Variants in SCAI observed in about 807,000 individuals in gnomAD.
SCAI encodes the protein suppressor of cancer cell invasion, also known as protein SCAI.
SCAI carries 24 observed loss-of-function variants against 92.2 expected under a neutral mutation model. That is an observed-to-expected ratio of 0.26 (90% CI 0.19 to 0.37). The LOEUF (loss-of-function observed/expected upper bound fraction) is 0.37. Among genes scored for constraint, SCAI ranks in the 10% least tolerant of loss-of-function variants. The pLI, the probability that SCAI is intolerant of heterozygous loss-of-function variation, is 1.00. For missense variants in SCAI, 450 were observed against 736.2 expected, an observed-to-expected ratio of 0.61 and a Z score of 4.50; for synonymous variants, 261 against 258.6, an observed-to-expected ratio of 1.01 and a Z score of -0.09.
At chr9:125,024,276 AG>A (rs1832924946) in intron 6 of SCAI, among the ~76,000 whole-genome samples, 2 of 148,750 alleles carry the variant, frequency 1.3e-5, no homozygotes, top group African/African-American at 5.0e-5. Context: ...CTTTTTATGA[AG>A]TTTTTTTTTT....
chr9:125,115,070 G>T (rs62580570), intron 2 of SCAI, among the ~76,000 whole-genome samples: 2 of 151,932 alleles, frequency 1.3e-5, no homozygotes, highest in African/African-American at 4.8e-5. Context: ...TCTGCACCTG[G>T]CCTAAAGAAA....
chr9:125,033,725 G>A (rs941779918), intron 3 of SCAI, among the ~76,000 whole-genome samples: 1 of 145,700 alleles, frequency 6.9e-6, no homozygotes, highest in African/African-American at 2.5e-5. Context: ...AAGGTAACTT[G>A]TAAGATATCT....
At chr9:124,972,765 C>T (rs1257462299) in intron 15 of SCAI, among the ~76,000 whole-genome samples, 2 of 152,204 alleles carry the variant, frequency 1.3e-5, no homozygotes, top group Admixed American at 1.3e-4. Context: ...TCTATTCCTG[C>T]CTTCCCTCCC....
chr9:125,085,355 C>T (rs1007453237), intron 2 of SCAI, among the ~76,000 whole-genome samples: 2 of 152,086 alleles, frequency 1.3e-5, no homozygotes, highest in East Asian at 1.9e-4. Context: ...TGCGTGGTGG[C>T]GTGCACCTGT....
chr9:125,112,938 A>G (rs1834960274), intron 2 of SCAI, among the ~76,000 whole-genome samples: 1 of 152,270 alleles, frequency 6.6e-6, no homozygotes, highest in Non-Finnish European at 1.5e-5. Flanking sequence ...GCAAGAAAAT[A>G]AAGTAGTACT....
Position 125,006,377 on chromosome 9 carries a change from C to T in SCAI, c.862-2807G>A, listed in dbSNP as rs554676552. ...ATAGTGAGATGCACACCCCCATCCC[C>T]GGTCTCTTAAAAGAAAAAAAGTTAG... On this transcript the variant is annotated intron_variant, in intron 9 of 17. Transcript: ENST00000336505. Among the ~76,000 whole-genome samples the T allele has an allele frequency of 5.3e-5, 8 of 152,190 alleles. No individual in the cohort carries two copies. The East Asian group carries it at 9.7e-4, about 18-fold the overall frequency.
At chr9:125,128,757 A>T (rs1291907942) in intron 2 of SCAI, among the ~76,000 whole-genome samples, 5 of 147,792 alleles carry the variant, frequency 3.4e-5, no homozygotes, top group East Asian at 2.1e-4. Flanking sequence ...CGTCTCAAAA[A>T]AAAAAAATAA....
At chr9:125,087,922 T>A (rs1304804390) in intron 2 of SCAI, among the ~76,000 whole-genome samples, 1 of 152,194 alleles carries the variant, frequency 6.6e-6, no homozygotes, top group Non-Finnish European at 1.5e-5. Context: ...CACAAATATA[T>A]CAAATTTATA....
intron 2 of SCAI, among the ~76,000 whole-genome samples, chr9:125,084,486 G>C (rs989677925): frequency 1.3e-5 from 2 of 151,942 alleles, no homozygotes; most frequent in African/African-American, 4.8e-5. Context: ...TGCTTTTTAA[G>C]CACTACGTAA....
chr9:124,958,426 T>C (rs1279624732), intron 17 of SCAI, among the ~76,000 whole-genome samples: 1 of 152,234 alleles, frequency 6.6e-6, no homozygotes, highest in African/African-American at 2.4e-5. Context: ...ATATGCTTAA[T>C]TGATTTTCAA....
intron 9 of SCAI, among the ~76,000 whole-genome samples, chr9:125,013,708 C>T (rs1456377164): frequency 3.3e-5 from 5 of 152,110 alleles, no homozygotes; most frequent in South Asian, 2.1e-4. Flanking sequence ...ATACCAAAGC[C>T]GGGCAGAGAC....
intron 2 of SCAI, among the ~76,000 whole-genome samples, chr9:125,065,030 A>G (rs1252339812): frequency 6.6e-6 from 1 of 152,210 alleles, no homozygotes; most frequent in Non-Finnish European, 1.5e-5. Flanking sequence ...CTTTAAACAC[A>G]TACATTTAAA....
chr9:125,000,078 T>A, intron 12 of SCAI, 88 bp from the exon 13 acceptor site: 1 of 569,406 alleles, frequency 1.8e-6, no homozygotes, highest in Non-Finnish European at 3.1e-6. Context: ...TGTGAATCTC[T>A]CATTGATTCA....
chr9:125,135,977 A>AC (rs1190827515), intron 2 of SCAI, among the ~76,000 whole-genome samples: 1 of 151,692 alleles, frequency 6.6e-6, no homozygotes, highest in Non-Finnish European at 1.5e-5. Flanking sequence ...CAAACAAAAA[A>AC]AAAAAAAACA....
At chr9:125,085,261 C>A (rs376641718) in intron 2 of SCAI, among the ~76,000 whole-genome samples, 3 of 151,426 alleles carry the variant, frequency 2.0e-5, no homozygotes, top group African/African-American at 7.3e-5. Flanking sequence ...TTGAGGTGGG[C>A]GGATCACCTG....
intron 2 of SCAI, among the ~76,000 whole-genome samples, chr9:125,063,876 C>T (rs1833826758): frequency 1.3e-5 from 2 of 151,932 alleles, no homozygotes; most frequent in Admixed American, 1.3e-4. Flanking sequence ...GCCTCAGCCT[C>T]CCAAGTAGCT....
At chr9:125,112,462 T>C (rs1047774209) in intron 2 of SCAI, among the ~76,000 whole-genome samples, 1 of 152,226 alleles carries the variant, frequency 6.6e-6, no homozygotes, top group Non-Finnish European at 1.5e-5. Context: ...AAACTCTTCT[T>C]GTAACCGGCC....
At chr9:125,116,264 A>C (rs1022282312) in intron 2 of SCAI, among the ~76,000 whole-genome samples, 3 of 152,198 alleles carry the variant, frequency 2.0e-5, no homozygotes, top group African/African-American at 7.2e-5. Flanking sequence ...TAAAATATTA[A>C]AAGTATTATT....
intron 12 of SCAI, 85 bp from the exon 13 acceptor site, chr9:125,000,075 C>CAATGAGAGAT: frequency 1.7e-6 from 1 of 584,462 alleles, no homozygotes; most frequent in Non-Finnish European, 3.0e-6. Context: ...CTGTGTGAAT[C>CAATGAGAGAT]TCTCATTGAT....
Sources: gnomAD v4.1 joint callset for allele counts (sites outside exome capture counted in the v4.1 genomes callset) on GRCh38, gnomAD v4.1.1 for gene constraint, MANE v1.5 for transcripts, NCBI Gene and HGNC (gene_info 2026-07-23, HGNC 2026-07-21) for gene names.